RBFOX1: variants seen among roughly 807,000 people sequenced by gnomAD.
The protein encoded by RBFOX1 is RNA binding protein fox-1 homolog 1.
A neutral mutation model predicts 57.7 loss-of-function variants in RBFOX1; 8 were observed. That is an observed-to-expected ratio of 0.14 (90% CI 0.08 to 0.25). The LOEUF (loss-of-function observed/expected upper bound fraction) is 0.25, where lower values mean the gene tolerates loss of function less well. Among genes scored for constraint, RBFOX1 ranks in the 10% least tolerant of loss-of-function variants. RBFOX1 has a pLI of 1.00. For synonymous variants in RBFOX1, 326 were observed against 222.4 expected (o/e 1.47, Z -4.15); for missense variants, 611 against 548.5 (o/e 1.11, Z -1.14).
At chr16:6,984,403 C>G (rs770472703) in intron 3 of RBFOX1, among the ~76,000 whole-genome samples, 3 of 152,126 alleles carry the variant, frequency 2.0e-5, no homozygotes, top group South Asian at 4.1e-4. Flanking sequence ...AGCATCCTCA[C>G]CAGCCTAGGG....
At chr16:7,290,641 C>T (rs1302976211) in intron 4 of RBFOX1, among the ~76,000 whole-genome samples, 2 of 152,228 alleles carry the variant, frequency 1.3e-5, no homozygotes, top group East Asian at 1.9e-4. Flanking sequence ...ATTTAACAAG[C>T]ATCCACTACA....
intron 10 of RBFOX1, among the ~76,000 whole-genome samples, chr16:7,612,044 G>A (rs868710041): frequency 9.9e-5 from 15 of 152,056 alleles, no homozygotes; most frequent in South Asian, 4.1e-4. Context: ...ATGATTTGCC[G>A]GGCGCGGTGG....
chr16:6,411,848 C>G (rs950959501), intron 2 of RBFOX1, among the ~76,000 whole-genome samples: 1 of 152,102 alleles, frequency 6.6e-6, no homozygotes, highest in African/African-American at 2.4e-5. Flanking sequence ...AAAACATGGC[C>G]CTTGGCCAGG....
intron 4 of RBFOX1, among the ~76,000 whole-genome samples, chr16:7,378,875 G>C (rs957893231): frequency 6.6e-6 from 1 of 152,194 alleles, no homozygotes; most frequent in South Asian, 2.1e-4. Flanking sequence ...GTATTATTAA[G>C]TGGCAATAAC....
intron 4 of RBFOX1, among the ~76,000 whole-genome samples, chr16:7,409,645 G>A (rs896718110): frequency 1.7e-4 from 26 of 152,298 alleles, no homozygotes; most frequent in African/African-American, 5.5e-4. Flanking sequence ...ACCATCAGAT[G>A]TAATCCAATC....
At chr16:6,798,964 C>T (rs2084734044) in intron 3 of RBFOX1, among the ~76,000 whole-genome samples, 1 of 151,968 alleles carries the variant, frequency 6.6e-6, no homozygotes, top group South Asian at 2.1e-4. Flanking sequence ...CTTGTTACAT[C>T]TTGGGGTAGG....
At chr16:6,331,049 A>G (rs192149888) in intron 2 of RBFOX1, among the ~76,000 whole-genome samples, 27 of 152,334 alleles carry the variant, frequency 1.8e-4, no homozygotes, top group African/African-American at 6.0e-4. Flanking sequence ...AGGGATCTGA[A>G]AAAGTAAGGA....
At chr16:5,442,343 A>T (rs1029753421) in intron 1 of RBFOX1, among the ~76,000 whole-genome samples, 3 of 152,224 alleles carry the variant, frequency 2.0e-5, no homozygotes, top group African/African-American at 7.2e-5. Context: ...CCACAAGGCC[A>T]AGGAAGCCTG....
At chr16:5,609,586 C>T (rs2047702665) in intron 3 of RBFOX1, among the ~76,000 whole-genome samples, 2 of 152,214 alleles carry the variant, frequency 1.3e-5, no homozygotes, top group African/African-American at 4.8e-5. Flanking sequence ...CCCAGCGTCA[C>T]TCCAGGCCAG....
chr16:7,317,559 C>A (rs1252530742), intron 4 of RBFOX1, among the ~76,000 whole-genome samples: 1 of 152,168 alleles, frequency 6.6e-6, no homozygotes, highest in East Asian at 1.9e-4. Context: ...AAGACAAAGG[C>A]ACTCACCAGC....
Position 6,917,078 on chromosome 16 carries a change from T to G in RBFOX1, c.-15-134979T>G, listed in dbSNP as rs115473880. On this transcript the variant is annotated intron_variant, in intron 3 of 15. Transcript: ENST00000550418. ...GTTGGACAGGCTAGTCCTGAACTCA[T>G]GATCTGAGGTTATCCACCTGCCTTG... Among the ~76,000 whole-genome samples the G allele has an allele frequency of 9.7e-3, 1,472 of 152,308 alleles. 24 individuals are homozygous for G. The highest frequency in any genetic ancestry group is 0.033 in the African/African-American group (1,387 of 41,572).
At chr16:5,758,284 C>A (rs1350698091) in intron 3 of RBFOX1, among the ~76,000 whole-genome samples, 1 of 152,134 alleles carries the variant, frequency 6.6e-6, no homozygotes, top group East Asian at 1.9e-4. Context: ...TGGTATTTAT[C>A]CTTGAAATAA....
In RBFOX1 at chr16:5,388,344, C is replaced by T. The variant is rs111771539; in HGVS notation, c.220-78872C>T. ...CGGACAAAGGCTGATCTCTGCCAAG[C>T]GACAACAAGCTTTTTCTATAAAGGG... On this transcript the variant is annotated intron_variant, in intron 1 of 2. Transcript: ENST00000585867. 1.7e-3 allele frequency among the ~76,000 whole-genome samples: 264 copies of T among 152,218 alleles called. 3 individuals carry two copies. The highest frequency in any genetic ancestry group is 5.9e-3 in the African/African-American group (247 of 41,536).
chr16:5,420,224 A>C (rs1370186737), intron 1 of RBFOX1, among the ~76,000 whole-genome samples: 1 of 152,218 alleles, frequency 6.6e-6, no homozygotes, highest in Non-Finnish European at 1.5e-5. Context: ...TAAACAAACA[A>C]GGTGGATTTA....
At chr16:6,760,617 T>TA (rs2076466596) in intron 3 of RBFOX1, among the ~76,000 whole-genome samples, 1 of 152,180 alleles carries the variant, frequency 6.6e-6, no homozygotes, top group East Asian at 1.9e-4. Flanking sequence ...CTTGAAGTAC[T>TA]AGACTGAATT....
chr16:5,371,551 C>G (rs2065857237), intron 1 of RBFOX1, among the ~76,000 whole-genome samples: 1 of 152,242 alleles, frequency 6.6e-6, no homozygotes, highest in African/African-American at 2.4e-5. Flanking sequence ...GCAGCCCTAG[C>G]AGACTGCTGT....
chr16:6,238,061 A>G (rs1284001954), intron 1 of RBFOX1, among the ~76,000 whole-genome samples: 1 of 147,106 alleles, frequency 6.8e-6, no homozygotes, highest in Non-Finnish European at 1.5e-5. Context: ...ACTGTACTCC[A>G]GTCTGGGTGA....
intron 3 of RBFOX1, among the ~76,000 whole-genome samples, chr16:5,613,214 T>C (rs1280552824): frequency 6.6e-6 from 1 of 152,180 alleles, no homozygotes; most frequent in African/African-American, 2.4e-5. Context: ...CCTTCAGGCT[T>C]CAGAAGAACC....
intron 4 of RBFOX1, among the ~76,000 whole-genome samples, chr16:7,140,161 T>A (rs865877467): frequency 4.8e-5 from 5 of 104,210 alleles, no homozygotes; most frequent in Admixed American, 2.9e-4. Flanking sequence ...TCTCTCCCTC[T>A]CTCTCTCTCT....
Sources: gnomAD v4.1 joint callset for allele counts (sites outside exome capture counted in the v4.1 genomes callset) on GRCh38, gnomAD v4.1.1 for gene constraint, MANE v1.5 for transcripts, NCBI Gene and HGNC (gene_info 2026-07-23, HGNC 2026-07-21) for gene names.